PRKACA: variants seen among roughly 807,000 people sequenced by gnomAD.
PRKACA encodes the protein protein kinase cAMP-activated catalytic subunit alpha.
A neutral mutation model predicts 45.8 loss-of-function variants in PRKACA; 9 were observed. The observed-to-expected ratio is 0.20, with a 90% CI of 0.12 to 0.34. The LOEUF is 0.34. Ranked by LOEUF, PRKACA falls within the 10% of genes least tolerant of loss-of-function variation. PRKACA has a pLI of 1.00. For synonymous variants in PRKACA, 160 were observed against 178.6 expected, an observed-to-expected ratio of 0.90 and a Z score of 0.83; for missense variants, 238 against 458.6, an observed-to-expected ratio of 0.52 and a Z score of 4.39.
At chr19:14,101,170 A>G (rs1166651741) in intron 4 of PRKACA, 4 of 431,216 alleles carry the variant, frequency 9.3e-6, no homozygotes, top group Non-Finnish European at 1.7e-5. Context: ...TGGGAGCTTG[A>G]GTAAGGCTCT....
At chr19:14,111,543 C>A (rs1020163741) in intron 1 of PRKACA, among the ~76,000 whole-genome samples, 71 of 152,308 alleles carry the variant, frequency 4.7e-4, no homozygotes, top group African/African-American at 1.7e-3. Context: ...ACCAACTAGC[C>A]CAGGGGCCTG....
chr19:14,100,779 C>G (rs1410612531), intron 5 of PRKACA, 47 bp downstream of exon 5: 2 of 1,586,912 alleles, frequency 1.3e-6, no homozygotes, highest in East Asian at 2.2e-5. Flanking sequence ...GCACTGCCAC[C>G]TGTGGACACC....
chr19:14,114,009 G>T, intron 1 of PRKACA: 1 of 1,158,064 alleles, frequency 8.6e-7, no homozygotes. Context: ...GGCGTTTCCA[G>T]GGCCAGCCAG....
intron 5 of PRKACA, among the ~76,000 whole-genome samples, chr19:14,099,589 CTTTT>C (rs1201287283): frequency 1.5e-5 from 2 of 132,638 alleles, no homozygotes; most frequent in African/African-American, 2.8e-5. Flanking sequence ...CCACACCTGA[CTTTT>C]TTTTTTTTTT....
rs1977160748 is a variant in PRKACA, at chr19:14,093,663, C to T, written c.895G>A (p.Ala299Thr). The T allele has an allele frequency of 2.5e-6, 4 of 1,613,958 alleles. No homozygotes were observed. Among genetic ancestry groups the T allele is most frequent in the Non-Finnish European group, 2.5e-6 (3 of 1,180,004 alleles). Reference sequence around the variant, plus strand: ...TAGATGGCAATCCAGTCAGTTGTGGCAAACCACTTGTGGTTCTTGATATCG... The same window carrying T: ...TAGATGGCAATCCAGTCAGTTGTGGTAAACCACTTGTGGTTCTTGATATCG... ...VNDIKNHKWF[A>T]TTDWIAIYQR... Residue 299 changes from alanine to threonine, a missense_variant, in exon 9 of 10, where the codon GCC becomes ACC. This residue lies in a region of PRKACA where 51 missense variants were observed against 68.6 expected (regional missense o/e 0.74). Transcript: ENST00000308677.
intron 1 of PRKACA, among the ~76,000 whole-genome samples, chr19:14,113,070 C>CT (rs1568539021): frequency 6.6e-6 from 1 of 152,166 alleles, no homozygotes; most frequent in Non-Finnish European, 1.5e-5. Context: ...ATATCTGACT[C>CT]TTTTGTTTTG....
At chr19:14,115,199 T>C (rs1191270183) in intron 1 of PRKACA, 2 of 786,136 alleles carry the variant, frequency 2.5e-6, no homozygotes, top group Non-Finnish European at 3.1e-6. Flanking sequence ...GGATGTTTCA[T>C]TTATCTAGTT....
chr19:14,099,793 A>T (rs1293679880), intron 5 of PRKACA, among the ~76,000 whole-genome samples: 2 of 151,590 alleles, frequency 1.3e-5, no homozygotes, highest in Non-Finnish European at 2.9e-5. Context: ...ATATATTAAA[A>T]TCTACACATA....
chr19:14,098,157 C>G (rs1599337109), intron 5 of PRKACA: 3 of 391,626 alleles, frequency 7.7e-6, no homozygotes, highest in East Asian at 8.6e-5. Flanking sequence ...ATCCACTCAA[C>G]AATGTGGCTG....
intron 5 of PRKACA, among the ~76,000 whole-genome samples, chr19:14,099,945 G>A (rs910596316): frequency 4.0e-5 from 6 of 151,886 alleles, no homozygotes; most frequent in East Asian, 3.9e-4. Flanking sequence ...CCGGGTTCAC[G>A]CCATTCTGCC....
intron 1 of PRKACA, among the ~76,000 whole-genome samples, chr19:14,116,190 G>T (rs975650731): frequency 4.6e-5 from 7 of 152,158 alleles, no homozygotes; most frequent in African/African-American, 1.7e-4. Flanking sequence ...AGTGGACAGG[G>T]GATCCCAGCT....
chr19:14,092,917 G>A lies in PRKACA; in HGVS notation c.*195C>T, dbSNP rs961706724. The A allele has an allele frequency of 1.5e-6, 1 of 648,962 alleles. No homozygotes were observed. Among genetic ancestry groups the A allele is most frequent in the Non-Finnish European group, 2.5e-6 (1 of 398,200 alleles). The allele number at this position is 648,962 out of a possible 1,614,324, so 40.2% of individuals were successfully genotyped here. ...GGGGGCAGGAGGGTGAAGGGGATGAGGGGGAGCAGCTGGTGTTTCTGTCCC... is the reference window on the plus strand; with the variant it reads ...GGGGGCAGGAGGGTGAAGGGGATGAAGGGGAGCAGCTGGTGTTTCTGTCCC... On this transcript the variant is annotated 3_prime_UTR_variant, in exon 10 of 10. Coordinates refer to ENST00000308677, the MANE Select transcript of PRKACA (RefSeq NM_002730.4).
At position 14,092,552 on chromosome 19, in the gene PRKACA, AAT is replaced by A. The variant is rs1420476607; in HGVS notation, c.*558_*559del. 1 of 398,520 alleles carries A rather than the reference AAT, an allele frequency of 2.5e-6. No homozygotes were observed. The highest frequency in any genetic ancestry group is 4.4e-6 in the Non-Finnish European group (1 of 225,920). 24.7% of individuals were successfully genotyped at this position (398,520 alleles called of 1,614,324 possible). A position where few individuals can be genotyped will look rare whatever the true frequency, so the allele number is the denominator to read the frequency against. ...GGGAGGGAGGCACTGGTGGAACTTA[AAT>A]AAGATTTTAAATTGTTGTTTTTTTA... is the stretch of plus-strand genomic sequence containing the variant. On this transcript the variant is annotated 3_prime_UTR_variant, in exon 10 of 10. Transcript: ENST00000308677.
chr19:14,117,202 G>T (rs1329934769), intron 1 of PRKACA, among the ~76,000 whole-genome samples: 1 of 151,784 alleles, frequency 6.6e-6, no homozygotes, highest in East Asian at 1.9e-4. Context: ...AGGAAAGGAG[G>T]GGGTAGGCTG....
chr19:14,113,839 C>T (rs1967039879), intron 1 of PRKACA, among the ~76,000 whole-genome samples: 1 of 152,040 alleles, frequency 6.6e-6, no homozygotes, highest in Non-Finnish European at 1.5e-5. Flanking sequence ...ACTGGGATGG[C>T]TCATCCTACA....
intron 4 of PRKACA, among the ~76,000 whole-genome samples, chr19:14,102,224 G>A (rs920908498): frequency 6.6e-6 from 1 of 151,170 alleles, no homozygotes; most frequent in Non-Finnish European, 1.5e-5. Flanking sequence ...TAAACCAGGT[G>A]TGGGGTCCCT....
intron 1 of PRKACA, among the ~76,000 whole-genome samples, chr19:14,113,606 C>A (rs1967032834): frequency 6.6e-6 from 1 of 152,238 alleles, no homozygotes; most frequent in Admixed American, 6.5e-5. Flanking sequence ...ACAGAACCCC[C>A]TTCCTCCGGA....
At chr19:14,116,050 C>G (rs1039757926) in intron 1 of PRKACA, among the ~76,000 whole-genome samples, 7 of 152,164 alleles carry the variant, frequency 4.6e-5, no homozygotes, top group Non-Finnish European at 8.8e-5. Context: ...CTATTTGAAT[C>G]CGTATGGGAA....
In PRKACA at chr19:14,097,468, C is replaced by T; in HGVS notation, c.658G>A (p.Val220Met). ...AGAACCCCCAGGGCCCACCAGTCCA[C>T]GGCCTTGTTGTAGCCCTGGAGCAAG... ...IILSKGYNKAVDWWALGVLIY... is the reference protein window; with the variant it reads ...IILSKGYNKAMDWWALGVLIY... The change falls in exon 8 of 10, where the codon GTG (valine) becomes ATG (methionine). Residue 220 changes from valine (V) to methionine (M), a missense_variant. Transcript: ENST00000308677. This position sits in a 1 kb window ranked among gnomAD's most constrained non-coding sequence, Gnocchi z 5.4. The T allele has an allele frequency of 1.2e-6, 2 of 1,614,088 alleles. No homozygotes were observed. The highest frequency in any genetic ancestry group is 1.7e-6 in the Non-Finnish European group (2 of 1,180,022).
Sources: gnomAD v4.1 joint callset for allele counts (sites outside exome capture counted in the v4.1 genomes callset) on GRCh38, gnomAD v4.1.1 for gene constraint, gnomAD v4.1.1 regional missense constraint, Gnocchi (gnomAD v3.1) non-coding constraint, MANE v1.5 for transcripts, NCBI Gene and HGNC (gene_info 2026-07-23, HGNC 2026-07-21) for gene names.